Variants in BAHD1 observed in about 807,000 individuals in gnomAD.
BAHD1 encodes the protein bromo adjacent homology domain-containing 1 protein.
In BAHD1, 20 loss-of-function variants were observed where a neutral mutation model predicts 63.1. The observed-to-expected ratio is 0.32, with a 90% confidence interval of 0.22 to 0.46. The LOEUF is 0.46. Ranked by LOEUF, BAHD1 falls within the 20% of genes least tolerant of loss-of-function variation. The pLI is 1.00. For synonymous variants in BAHD1, 408 were observed against 426.8 expected, an observed-to-expected ratio of 0.96 and a Z score of 0.54; for missense variants, 939 against 1,071.8, an observed-to-expected ratio of 0.88 and a Z score of 1.73.
At chr15:40,442,525 T>G (rs1006487760) in intron 1 of BAHD1, among the ~76,000 whole-genome samples, 1 of 150,544 alleles carries the variant, frequency 6.6e-6, no homozygotes, top group African/African-American at 2.5e-5. Context: ...GAATGAGGGG[T>G]TTTTCAACAA....
rs1334916126 is a variant in BAHD1 at position 40,466,257 on chromosome 15, G to GC, written c.*127_*128insC. ...AGTTTGCTGGCCTGTGGTTTTCTTGGGGGGGAGGGCAGGGGCCCCTGTGGG... is the reference window on the plus strand; with the variant it reads ...AGTTTGCTGGCCTGTGGTTTTCTTGGCGGGGGAGGGCAGGGGCCCCTGTGGG... On this transcript the variant is annotated 3_prime_UTR_variant, in exon 7 of 7. Coordinates refer to ENST00000416165, the MANE Select transcript of BAHD1 (RefSeq NM_014952.5). 1.1e-6 allele frequency: 1 copy of GC among 894,286 alleles called. No individual in the cohort carries two copies. Among genetic ancestry groups the GC allele is most frequent in the Non-Finnish European group, 1.6e-6 (1 of 618,186 alleles). The allele number at this position is 894,286 out of a possible 1,614,324, so 55.4% of individuals were successfully genotyped here.
At chr15:40,461,126 A>C (rs1894026528) in intron 2 of BAHD1, among the ~76,000 whole-genome samples, 1 of 152,150 alleles carries the variant, frequency 6.6e-6, no homozygotes, top group African/African-American at 2.4e-5. Context: ...CGAGTCAGTA[A>C]CTGCTCTGTG....
intron 3 of BAHD1, 81 bp downstream of exon 3, chr15:40,462,375 GCAC>G: frequency 6.7e-7 from 1 of 1,503,030 alleles, no homozygotes; most frequent in Non-Finnish European, 9.0e-7. Flanking sequence ...GGTGCTAGAA[GCAC>G]CTGGTTCTAG....
chr15:40,451,701 G>C (rs925033494), intron 1 of BAHD1, among the ~76,000 whole-genome samples: 4 of 152,196 alleles, frequency 2.6e-5, no homozygotes, highest in African/African-American at 7.2e-5. Context: ...CCTCTGCTGT[G>C]GGGGGGCCAG....
intron 1 of BAHD1, among the ~76,000 whole-genome samples, chr15:40,444,710 A>G (rs1368160173): frequency 6.6e-6 from 1 of 152,190 alleles, no homozygotes; most frequent in Non-Finnish European, 1.5e-5. Context: ...CATAAAGGAA[A>G]GCTACAATCC....
Position 40,467,905 on chromosome 15 carries a change from AG to A in BAHD1, c.*1777del, listed in dbSNP as rs1894260002. 6.6e-6 allele frequency: 1 copy of A among 152,634 alleles called. No individual in the cohort carries two copies. Among genetic ancestry groups the A allele is most frequent in the Non-Finnish European group, 1.5e-5 (1 of 68,020 alleles). 9.5% of individuals were successfully genotyped at this position (152,634 alleles called of 1,614,324 possible). A position where few individuals can be genotyped will look rare whatever the true frequency, so the allele number is the denominator to read the frequency against. ...GCCAAGGAGCCCAGCCTCACCTAGC[AG>A]GAAAGGAGATGAAGGCCCTCCTCCC... On this transcript the variant is annotated 3_prime_UTR_variant, in exon 7 of 7. Coordinates refer to ENST00000416165, the MANE Select transcript of BAHD1 (RefSeq NM_014952.5).
In BAHD1 at chr15:40,459,142, T is replaced by G. The variant is rs760251760; in HGVS notation, c.678T>G (p.Pro226=). The G allele has an allele frequency of 3.1e-6, 5 of 1,613,094 alleles. No homozygotes were observed. In the South Asian group the frequency reaches 5.5e-5, roughly 18 times the overall value. The change falls in exon 2 of 7, where the codon CCT becomes CCG. Residue 226 remains proline, a synonymous_variant. Transcript: ENST00000416165. ...SQERELPLRL[P]RAHAEVDGRS... is the part of the protein sequence containing the mutation. ...AGCGGGAGCTACCCCTGCGGCTGCC[T>G]CGTGCCCATGCAGAAGTAGATGGGC...
chr15:40,455,083 C>A (rs1893811347), intron 1 of BAHD1, among the ~76,000 whole-genome samples: 1 of 152,252 alleles, frequency 6.6e-6, no homozygotes, highest in African/African-American at 2.4e-5. Flanking sequence ...GAGACCCCAG[C>A]CTCTCCTTAA....
intron 3 of BAHD1, among the ~76,000 whole-genome samples, chr15:40,463,138 GA>G (rs550373200): frequency 2.0e-5 from 3 of 151,638 alleles, no homozygotes; most frequent in Admixed American, 1.3e-4. Context: ...CCTGTCTACA[GA>G]AAAAAAATTT....
chr15:40,447,272 T>C (rs954151345), intron 1 of BAHD1, among the ~76,000 whole-genome samples: 17 of 152,034 alleles, frequency 1.1e-4, no homozygotes, highest in African/African-American at 3.6e-4. Context: ...AAAAGAATTA[T>C]AAAAATGATT....
At chr15:40,455,178 G>C (rs752574909) in intron 1 of BAHD1, among the ~76,000 whole-genome samples, 3 of 152,174 alleles carry the variant, frequency 2.0e-5, no homozygotes, top group Non-Finnish European at 2.9e-5. Context: ...TGTTTTTAGC[G>C]AGTGACAGGG....
In BAHD1 at chr15:40,465,470, TC is replaced by T. The variant is rs571952493; in HGVS notation, c.2153+38del. On this transcript the variant is annotated intron_variant, in intron 6 of 6. Transcript: ENST00000416165. ...TCCCTGCACCCTCTGGCTGGCCTCTTCCCTCAGGCTCCCCAGGCATATTTGG... is the reference window on the plus strand; with the variant it reads ...TCCCTGCACCCTCTGGCTGGCCTCTTCCTCAGGCTCCCCAGGCATATTTGG... The T allele has an allele frequency of 1.9e-4, 290 of 1,515,916 alleles. No individual in the cohort carries two copies. In the South Asian group the frequency reaches 3.2e-3, roughly 17 times the overall value. 93.9% of individuals were successfully genotyped at this position (1,515,916 alleles called of 1,614,324 possible).
At position 40,459,151 on chromosome 15, in the gene BAHD1, T is replaced by C; in HGVS notation, c.687T>C (p.His229=). ...RELPLRLPRA[H]AEVDGRSTEP... is the part of the protein sequence containing the mutation. ...TACCCCTGCGGCTGCCTCGTGCCCA[T>C]GCAGAAGTAGATGGGCGCTCCACTG... is the stretch of plus-strand genomic sequence containing the variant. The change falls in exon 2 of 7, where the codon CAT becomes CAC. Residue 229 remains histidine (H), a synonymous_variant. Transcript: ENST00000416165. The C allele has an allele frequency of 6.2e-7, 1 of 1,613,170 alleles. No individual in the cohort carries two copies. The highest frequency in any genetic ancestry group is 8.5e-7 in the Non-Finnish European group (1 of 1,179,986).
chr15:40,465,466 C>G (rs776018023), intron 6 of BAHD1, 31 bp downstream of exon 6: 1 of 1,571,800 alleles, frequency 6.4e-7, no homozygotes, highest in Non-Finnish European at 8.8e-7. Context: ...TCTGGCTGGC[C>G]TCTTCCCTCA....
At chr15:40,452,681 G>T (rs756520808) in intron 1 of BAHD1, among the ~76,000 whole-genome samples, 56 of 152,156 alleles carry the variant, frequency 3.7e-4, no homozygotes, top group Non-Finnish European at 5.9e-4. Flanking sequence ...GCTCCCCTGG[G>T]CCTCTGACTC....
Position 40,453,082 on chromosome 15 carries a change from G to C in BAHD1, c.-14-5369G>C, listed in dbSNP as rs556947852. Among the ~76,000 whole-genome samples the C allele has an allele frequency of 3.9e-5, 6 of 152,348 alleles. No individual in the cohort carries two copies. The East Asian group carries it at 1.2e-3, about 29-fold the overall frequency. On this transcript the variant is annotated intron_variant, in intron 1 of 6. Coordinates refer to ENST00000416165, the MANE Select transcript of BAHD1 (RefSeq NM_014952.5). ...CAGCCAGGGCCAGCTGCCCTCCTCTGTCGGGTTGGAAGGATGGGGGAGGTT... is the reference window on the plus strand; with the variant it reads ...CAGCCAGGGCCAGCTGCCCTCCTCTCTCGGGTTGGAAGGATGGGGGAGGTT...
intron 1 of BAHD1, among the ~76,000 whole-genome samples, chr15:40,448,284 G>C (rs1213667146): frequency 6.6e-6 from 1 of 151,944 alleles, no homozygotes; most frequent in East Asian, 1.9e-4. Context: ...TTTTTTAATT[G>C]TATTTACGTT....
Position 40,466,651 on chromosome 15 carries a change from G to A in BAHD1, c.*521G>A, listed in dbSNP as rs1894219256. On this transcript the variant is annotated 3_prime_UTR_variant, in exon 7 of 7. Coordinates refer to ENST00000416165, the MANE Select transcript of BAHD1 (RefSeq NM_014952.5). The stretch of plus-strand genomic sequence containing the variant: ...TGTTCCTTTGAGGCATAGAGAGCCA[G>A]AGTCTGGCTTCCAGAGCATTGACTT... 1 of 153,080 alleles carries A rather than the reference G, an allele frequency of 6.5e-6. No individual in the cohort carries two copies. 9.5% of individuals were successfully genotyped at this position (153,080 alleles called of 1,614,324 possible).
intron 1 of BAHD1, among the ~76,000 whole-genome samples, chr15:40,448,355 A>G (rs774114214): frequency 1.3e-5 from 2 of 152,208 alleles, no homozygotes; most frequent in African/African-American, 2.4e-5. Context: ...TGGGAAAACT[A>G]ATAATGTGTG....
Sources: allele counts gnomAD v4.1 joint callset (sites outside exome capture counted in the v4.1 genomes callset), GRCh38; gene constraint gnomAD v4.1.1; transcripts MANE v1.5; gene names NCBI Gene and HGNC (gene_info 2026-07-23, HGNC 2026-07-21).